Variants in MAN1B1 observed in about 807,000 individuals in gnomAD.
MAN1B1 encodes the protein endoplasmic reticulum mannosyl-oligosaccharide 1,2-alpha-mannosidase.
In MAN1B1, 66 loss-of-function variants were observed where a neutral mutation model predicts 75.5. The observed-to-expected ratio is 0.87, with a 90% confidence interval of 0.72 to 1.07. The LOEUF (loss-of-function observed/expected upper bound fraction) is 1.07. MAN1B1 is among the 50% of genes least tolerant of loss of function. The pLI is 0.00. For synonymous variants in MAN1B1, 453 were observed against 382.8 expected, an observed-to-expected ratio of 1.18 and a Z score of -2.14; for missense variants, 973 against 912.5, an observed-to-expected ratio of 1.07 and a Z score of -0.85.
rs987547910 is a variant in MAN1B1, at chr9:137,088,069, C to T, written c.220-6C>T. The T allele has an allele frequency of 1.2e-6, 2 of 1,608,110 alleles. No individual in the cohort carries two copies. Among genetic ancestry groups the T allele is most frequent in the Admixed American group, 1.7e-5 (1 of 59,996 alleles). Reference sequence around the variant, plus strand: ...TAAGAAATGTCATTCTCTGTACCTCCCTTAGAAATGGAAGCAACTGTCGAG... The same window carrying T: ...TAAGAAATGTCATTCTCTGTACCTCTCTTAGAAATGGAAGCAACTGTCGAG... On this transcript the variant is annotated splice_region_variant and splice_polypyrimidine_tract_variant and intron_variant, in intron 1 of 12. Coordinates refer to ENST00000371589, the MANE Select transcript of MAN1B1 (RefSeq NM_016219.5).
chr9:137,097,628 G>T (rs552930835), intron 4 of MAN1B1, among the ~76,000 whole-genome samples, 200 bp from the exon 5 acceptor site: 1 of 152,342 alleles, frequency 6.6e-6, no homozygotes, highest in Admixed American at 6.5e-5. Flanking sequence ...CCCTGGAGCA[G>T]TGCTGTGGTC....
intron 5 of MAN1B1, 95 bp downstream of exon 5, chr9:137,098,032 C>A: frequency 1.1e-6 from 1 of 917,220 alleles, no homozygotes; most frequent in Non-Finnish European, 1.7e-6. Context: ...GTGGCGCCCC[C>A]GCCCTGGTGT....
intron 3 of MAN1B1, among the ~76,000 whole-genome samples, chr9:137,092,986 T>C (rs1269770876): frequency 6.6e-6 from 1 of 152,222 alleles, no homozygotes; most frequent in Non-Finnish European, 1.5e-5. Flanking sequence ...TGAGTTAGAA[T>C]ATTTCATCCT....
Position 137,088,907 on chromosome 9 carries a change from C to T in MAN1B1, c.367C>T (p.Pro123Ser). Residue 123 changes from proline to serine, a missense_variant, in exon 3 of 13, where the codon CCA (proline) becomes TCA (serine). Coordinates refer to ENST00000371589, the MANE Select transcript of MAN1B1 (RefSeq NM_016219.5). ...GCTAGAGGAAGAGCAGAAGATGAGGCCAGAAATTGCTGGGTTAAAACCAGC... is the reference window on the plus strand; with the variant it reads ...GCTAGAGGAAGAGCAGAAGATGAGGTCAGAAATTGCTGGGTTAAAACCAGC... ...FRLEEEQKMRPEIAGLKPANP... is the reference protein window; with the variant it reads ...FRLEEEQKMRSEIAGLKPANP... 1 of 1,613,926 alleles carries T rather than the reference C, an allele frequency of 6.2e-7. No homozygotes were observed. The highest frequency in any genetic ancestry group is 8.5e-7 in the Non-Finnish European group (1 of 1,180,024).
chr9:137,106,119 C>T lies in MAN1B1; in HGVS notation c.1255-6C>T. 6.2e-7 allele frequency: 1 copy of T among 1,612,060 alleles called. No homozygotes were observed. Among genetic ancestry groups the T allele is most frequent in the Non-Finnish European group, 8.5e-7 (1 of 1,179,266 alleles). The stretch of plus-strand genomic sequence containing the variant: ...AGTAAACCCACCATCCCCCTTTCTG[C>T]CGCAGGAGGCAGTGGAGAAGGTGAC... On this transcript the variant is annotated splice_region_variant and splice_polypyrimidine_tract_variant and intron_variant, in intron 8 of 12. Coordinates refer to ENST00000371589, the MANE Select transcript of MAN1B1 (RefSeq NM_016219.5).
chr9:137,108,082 C>G, intron 12 of MAN1B1: 1 of 605,564 alleles, frequency 1.7e-6, no homozygotes, highest in South Asian at 2.0e-5. Flanking sequence ...GCCTGAGGCC[C>G]CCGCTGCCTC....
At chr9:137,093,691 G>A (rs540787506) in intron 3 of MAN1B1, among the ~76,000 whole-genome samples, 10 of 151,708 alleles carry the variant, frequency 6.6e-5, no homozygotes, top group South Asian at 4.2e-4. Flanking sequence ...AAAATTAGCC[G>A]GGCGTGGTGG....
chr9:137,104,747 TGTGA>T, intron 8 of MAN1B1: 1 of 157,886 alleles, frequency 6.3e-6, no homozygotes, highest in Admixed American at 6.0e-5. Flanking sequence ...TTTTGGCCGT[TGTGA>T]GTGTGGGTGC....
In MAN1B1 at chr9:137,108,845, C is replaced by A. The variant is rs1377163991; in HGVS notation, c.*254C>A. 1 of 646,018 alleles carries A rather than the reference C, an allele frequency of 1.5e-6. No individual in the cohort carries two copies. Among genetic ancestry groups the A allele is most frequent in the Non-Finnish European group, 2.9e-6 (1 of 348,898 alleles). The allele number at this position is 646,018 out of a possible 1,614,324, so 40.0% of individuals were successfully genotyped here. A position where few individuals can be genotyped will look rare whatever the true frequency, so the allele number is the denominator to read the frequency against. On this transcript the variant is annotated 3_prime_UTR_variant, in exon 13 of 13. Transcript: ENST00000371589. ...TTCCTCCAGAAGACACGAATCATGA[C>A]TCACGATTGCTGAAGCCTGAGCAGG...
intron 8 of MAN1B1, chr9:137,102,878 A>G (rs531690139): frequency 2.4e-6 from 1 of 414,766 alleles, no homozygotes; most frequent in Non-Finnish European, 4.6e-6. Flanking sequence ...TGTTACATTC[A>G]TGCTGTTGCA....
chr9:137,098,026 CG>C (rs921467141), intron 5 of MAN1B1, 89 bp downstream of exon 5: 15 of 1,004,022 alleles, frequency 1.5e-5, no homozygotes, highest in African/African-American at 9.6e-5. Flanking sequence ...TGGTGGGTGG[CG>C]CCCCCGCCCT....
At position 137,087,197 on chromosome 9, in the gene MAN1B1, G is replaced by C; in HGVS notation, c.198G>C (p.Trp66Cys). Residue 66 changes from tryptophan (W) to cysteine (C), a missense_variant, in exon 1 of 13, where the codon TGG becomes TGC. Transcript: ENST00000371589. ...AGAACTATGACAACAGCAAGAGTTG[G>C]CGGCGGCGCTCGTGCTGGAGGGTGA... ...FGENYDNSKS[W>C]RRRSCWRKWK... 1 of 1,583,014 alleles carries C rather than the reference G, an allele frequency of 6.3e-7. No individual in the cohort carries two copies. The highest frequency in any genetic ancestry group is 8.6e-7 in the Non-Finnish European group (1 of 1,164,194).
intron 2 of MAN1B1, chr9:137,088,530 G>A (rs1830439409): frequency 1.9e-6 from 2 of 1,054,712 alleles, no homozygotes; most frequent in Non-Finnish European, 2.8e-6. Context: ...CAGAGTTCTG[G>A]TGAGGATGTG....
At chr9:137,089,644 G>A (rs531533570) in intron 3 of MAN1B1, among the ~76,000 whole-genome samples, 52 of 152,316 alleles carry the variant, frequency 3.4e-4, no homozygotes, top group South Asian at 1.5e-3. Context: ...AGATTTTGGC[G>A]TGGACTGGAG....
intron 3 of MAN1B1, among the ~76,000 whole-genome samples, chr9:137,089,768 G>C (rs547841976): frequency 6.6e-5 from 10 of 152,246 alleles, no homozygotes; most frequent in Admixed American, 2.6e-4. Flanking sequence ...GGAGTGCTCC[G>C]CAGGAGTGGG....
chr9:137,108,594 T>C lies in MAN1B1; in HGVS notation c.*3T>C, dbSNP rs1407677372. The C allele has an allele frequency of 6.2e-7, 1 of 1,613,414 alleles. No homozygotes were observed. Among genetic ancestry groups the C allele is most frequent in the Admixed American group, 1.7e-5 (1 of 60,008 alleles). Reference sequence around the variant, plus strand: ...TGCCTATCTGGACCCCTGCCTAGGGTGGATGGCTGCTGGTGTGGGGACTTC... The same window carrying C: ...TGCCTATCTGGACCCCTGCCTAGGGCGGATGGCTGCTGGTGTGGGGACTTC... On this transcript the variant is annotated 3_prime_UTR_variant, in exon 13 of 13. Transcript: ENST00000371589.
At chr9:137,096,972 A>G (rs2131004552) in intron 4 of MAN1B1, among the ~76,000 whole-genome samples, 1 of 152,352 alleles carries the variant, frequency 6.6e-6, no homozygotes, top group East Asian at 1.9e-4. Flanking sequence ...AGCCAGGGCC[A>G]GTGAGGGCTG....
At chr9:137,102,167 C>G (rs62584504) in intron 8 of MAN1B1, 1 of 150,442 alleles carries the variant, frequency 6.6e-6, no homozygotes, top group Non-Finnish European at 1.3e-5. Context: ...ACACACATTC[C>G]TGCTGTTGCA....
Position 137,106,789 on chromosome 9 carries a change from G to A in MAN1B1, c.1546G>A (p.Gly516Ser), listed in dbSNP as rs760557104. 1.4e-5 allele frequency: 22 copies of A among 1,613,292 alleles called. No individual in the cohort carries two copies. In the East Asian group the frequency reaches 1.8e-4, roughly 13 times the overall value. Residue 516 changes from glycine to serine, a missense_variant, in exon 10 of 13, where the codon GGC becomes AGC. Physicochemically the swap from Gly to Ser is moderately conservative, Grantham distance 56. Coordinates refer to ENST00000371589, the MANE Select transcript of MAN1B1 (RefSeq NM_016219.5). ...CACCTTTGTGGGGGAGCTTGCCCAC[G>A]GCCGCTTCAGTGCCAAGATGGTGAG... ...KLTFVGELAH[G>S]RFSAKMDHLV...
Sources: allele counts gnomAD v4.1 joint callset (sites outside exome capture counted in the v4.1 genomes callset), GRCh38; gene constraint gnomAD v4.1.1; transcripts MANE v1.5; gene names NCBI Gene and HGNC (gene_info 2026-07-23, HGNC 2026-07-21).